Variants in OPRM1 observed in about 807,000 individuals in gnomAD.
OPRM1 encodes opioid receptor mu 1.
Under a neutral mutation model 31.8 loss-of-function variants are expected in OPRM1, and 27 were observed. That is an observed-to-expected ratio of 0.85 (90% CI 0.63 to 1.17). The LOEUF is 1.17. OPRM1 is among the 50% of genes most tolerant of loss of function. The probability of loss-of-function intolerance (pLI) is 0.00; values close to 1 mark genes in which losing one functional copy is unlikely to be tolerated. For synonymous variants in OPRM1, 196 were observed against 189.9 expected (o/e 1.03, Z -0.26); for missense variants, 536 against 511.1 (o/e 1.05, Z -0.47).
intron 1 of OPRM1, among the ~76,000 whole-genome samples, chr6:154,071,862 T>C (rs1786825641): frequency 6.6e-6 from 1 of 152,136 alleles, no homozygotes; most frequent in South Asian, 2.1e-4. Flanking sequence ...GTGATTTTGG[T>C]TTTATCTCTT....
chr6:154,195,705 C>A (rs1776560294), intron 3 of OPRM1, among the ~76,000 whole-genome samples: 1 of 151,984 alleles, frequency 6.6e-6, no homozygotes, highest in Non-Finnish European at 1.5e-5. Flanking sequence ...TTTTACTCTG[C>A]TTTCTTTTGT....
At chr6:154,091,652 A>G (rs1263739191) in intron 3 of OPRM1, 180 bp downstream of exon 3, 2 of 1,407,634 alleles carry the variant, frequency 1.4e-6, no homozygotes, top group Non-Finnish European at 1.8e-6. Context: ...TTTATATTTG[A>G]CTGTACATAT....
At chr6:154,236,478 C>T (rs1562558886) in intron 3 of OPRM1, among the ~76,000 whole-genome samples, 1 of 152,110 alleles carries the variant, frequency 6.6e-6, no homozygotes, top group South Asian at 2.1e-4. Flanking sequence ...ATGATGCTGA[C>T]GGTTGCACAG....
intron 3 of OPRM1, chr6:154,159,877 T>TG (rs749464600): frequency 1.2e-6 from 2 of 1,613,188 alleles, no homozygotes; most frequent in Non-Finnish European, 1.7e-6. Flanking sequence ...CTTGAGTTCC[T>TG]GGGGGGTGTC....
chr6:154,085,204 ATTATT>A lies in OPRM1; in HGVS notation c.291-4617_291-4613del, dbSNP rs1197374562. 2.6e-5 allele frequency among the ~76,000 whole-genome samples: 4 copies of A among 152,202 alleles called. No individual in the cohort carries two copies. The South Asian group carries it at 6.2e-4, about 24-fold the overall frequency. The stretch of plus-strand genomic sequence containing the variant: ...AGAATAGGTCAAAAGATAAATAAGA[ATTATT>A]TTATAACCATAAGAAAGGAAGAACA... On this transcript the variant is annotated intron_variant, in intron 1 of 3. Transcript: ENST00000330432.
At chr6:154,063,269 A>T (rs570653095) in intron 1 of OPRM1, among the ~76,000 whole-genome samples, 2 of 152,130 alleles carry the variant, frequency 1.3e-5, no homozygotes, top group South Asian at 4.1e-4. Context: ...TTTTGTGAAC[A>T]TCAGTTCGCA....
intron 3 of OPRM1, chr6:154,110,561 C>G: frequency 1.7e-6 from 1 of 603,090 alleles, no homozygotes; most frequent in South Asian, 1.8e-5. Flanking sequence ...CCTTCACAAG[C>G]AGGAGTTTCC....
rs747804752 is a variant in OPRM1, at chr6:154,118,992, T to C, written c.*271T>C. ...TGGAACCAAAACCCATCGTGGTATG[T>C]GAATTGAAGTCATCATAAAAGGTGA... On this transcript the variant is annotated 3_prime_UTR_variant, in exon 4 of 4. Coordinates refer to ENST00000330432, the MANE Select transcript of OPRM1 (RefSeq NM_000914.5). The C allele has an allele frequency of 1.7e-6, 2 of 1,197,524 alleles. No homozygotes were observed. The highest frequency in any genetic ancestry group is 2.1e-6 in the Non-Finnish European group (2 of 964,242). 74.2% of individuals were successfully genotyped at this position (1,197,524 alleles called of 1,614,324 possible).
intron 3 of OPRM1, among the ~76,000 whole-genome samples, chr6:154,205,689 A>C (rs1173237430): frequency 6.6e-6 from 1 of 152,218 alleles, no homozygotes; most frequent in Non-Finnish European, 1.5e-5. Flanking sequence ...ATGCTGCTGA[A>C]TTTGAGCGGC....
Position 154,207,053 on chromosome 6 carries a change from T to C in OPRM1, c.1165-39640T>C, listed in dbSNP as rs138229593. On this transcript the variant is annotated intron_variant, in intron 3 of 3. Transcript: ENST00000337049. ...AGGAAGACTAATTGGGAGGTGGTTT[T>C]TAGGAGGAGAGAGAGAGGGACTAGA... Among the ~76,000 whole-genome samples the C allele has an allele frequency of 4.7e-3, 717 of 152,230 alleles. 7 individuals are homozygous for C. The highest frequency in any genetic ancestry group is 0.017 in the African/African-American group (697 of 41,518).
At chr6:154,013,234 T>A (rs540503111) in intron 1 of OPRM1, among the ~76,000 whole-genome samples, 45 of 152,272 alleles carry the variant, frequency 3.0e-4, no homozygotes, top group African/African-American at 1.1e-3. Flanking sequence ...ATGTGATGCA[T>A]AGAATACCAA....
At chr6:154,180,414 A>ATATATATATT (rs1241250621) in intron 3 of OPRM1, among the ~76,000 whole-genome samples, 18 of 65,256 alleles carry the variant, frequency 2.8e-4, no homozygotes, top group South Asian at 1.6e-3. Context: ...ATATATATAT[A>ATATATATATT]TTTTTTTTTT....
At chr6:154,238,456 G>A (rs751757065) in intron 3 of OPRM1, among the ~76,000 whole-genome samples, 3 of 151,956 alleles carry the variant, frequency 2.0e-5, no homozygotes, top group Non-Finnish European at 4.4e-5. Flanking sequence ...AATACAGACA[G>A]GGTTTCTCCA....
intron 3 of OPRM1, among the ~76,000 whole-genome samples, chr6:154,208,348 T>A (rs192416634): frequency 6.6e-6 from 1 of 152,308 alleles, no homozygotes; most frequent in Admixed American, 6.5e-5. Context: ...TGGCTGACTC[T>A]CACACCACCT....
chr6:154,054,543 G>A (rs1782849423), intron 1 of OPRM1, among the ~76,000 whole-genome samples: 1 of 152,098 alleles, frequency 6.6e-6, no homozygotes, highest in South Asian at 2.1e-4. Context: ...TGAGAAAACT[G>A]AGTCCTGTTT....
At chr6:154,174,922 G>A (rs550506074) in intron 3 of OPRM1, among the ~76,000 whole-genome samples, 7 of 152,292 alleles carry the variant, frequency 4.6e-5, no homozygotes, top group African/African-American at 1.4e-4. Context: ...ATAATTGGAA[G>A]TAAAACACTC....
chr6:154,089,215 C>T (rs192191743), intron 1 of OPRM1, among the ~76,000 whole-genome samples: 8 of 152,076 alleles, frequency 5.3e-5, no homozygotes, highest in East Asian at 1.9e-4. Flanking sequence ...ACTATCCAGT[C>T]GCTGCCCCTA....
intron 3 of OPRM1, among the ~76,000 whole-genome samples, chr6:154,233,125 C>G (rs768566051): frequency 2.0e-5 from 3 of 152,026 alleles, no homozygotes; most frequent in Non-Finnish European, 2.9e-5. Flanking sequence ...TGTGCCGCCA[C>G]GCCCAGCTAA....
At chr6:154,037,155 C>T (rs1469642746), upstream of OPRM1, among the ~76,000 whole-genome samples, 1 of 151,856 alleles carries the variant, frequency 6.6e-6, no homozygotes, top group East Asian at 1.9e-4. Context: ...GGAGATGAAA[C>T]ATATGATTCA....
Sources: allele counts gnomAD v4.1 joint callset (sites outside exome capture counted in the v4.1 genomes callset), GRCh38; gene constraint gnomAD v4.1.1; transcripts MANE v1.5; gene names NCBI Gene and HGNC (gene_info 2026-07-23, HGNC 2026-07-21).